The following PWWP3A variants were observed in gnomAD, a reference collection of about 807,000 sequenced individuals.
PWWP3A encodes PWWP domain containing 3A, DNA repair factor, also known as PWWP domain-containing DNA repair factor 3A.
Under a neutral mutation model 79.0 loss-of-function variants are expected in PWWP3A, and 53 were observed. That is an observed-to-expected ratio of 0.67 (90% CI 0.54 to 0.84). The LOEUF (loss-of-function observed/expected upper bound fraction) is 0.84. PWWP3A is among the 40% of genes least tolerant of loss of function. The pLI is 0.00. For missense variants in PWWP3A, 973 were observed against 948.0 expected, an observed-to-expected ratio of 1.03 and a Z score of -0.35; for synonymous variants, 443 against 394.4, an observed-to-expected ratio of 1.12 and a Z score of -1.46.
At chr19:1,375,005 G>A (rs1365845029) in intron 13 of PWWP3A, among the ~76,000 whole-genome samples, 1 of 151,798 alleles carries the variant, frequency 6.6e-6, no homozygotes, top group Non-Finnish European at 1.5e-5. Flanking sequence ...TGGATCACGA[G>A]GTCAGGAGTT....
intron 12 of PWWP3A, chr19:1,371,563 C>G (rs954327361): frequency 1.6e-6 from 1 of 608,652 alleles, no homozygotes; most frequent in Non-Finnish European, 2.9e-6. Flanking sequence ...TTTCGAACTT[C>G]AGCTGCGGAT....
intron 11 of PWWP3A, 50 bp from the exon 12 acceptor site, chr19:1,370,592 C>A: frequency 7.0e-7 from 1 of 1,426,512 alleles, no homozygotes. Flanking sequence ...CACAGCCACC[C>A]GAGGAAGGCA....
chr19:1,357,298 G>A (rs559223373), intron 3 of PWWP3A: 5 of 515,590 alleles, frequency 9.7e-6, no homozygotes, highest in East Asian at 6.5e-5. Flanking sequence ...AGATCCAAAC[G>A]AGGCATTCTG....
chr19:1,361,347 C>T (rs941389298), intron 5 of PWWP3A, among the ~76,000 whole-genome samples: 4 of 152,182 alleles, frequency 2.6e-5, no homozygotes, highest in African/African-American at 7.2e-5. Context: ...GTGCTGAGGC[C>T]GCAGCTGCGG....
rs549505596 is a variant in PWWP3A, at chr19:1,376,848, CG to C, written c.*273del. ...GGAAAGGCTTTTGAAAGGACGGAAG[CG>C]TATTCACTGTGCGCCAGTACTCCTG... is the stretch of plus-strand genomic sequence containing the variant. On this transcript the variant is annotated 3_prime_UTR_variant, in exon 14 of 14. Coordinates refer to ENST00000591337, the MANE Select transcript of PWWP3A (RefSeq NM_001369789.1). 61 of 369,036 alleles carry C rather than the reference CG, an allele frequency of 1.7e-4. No individual in the cohort carries two copies. In the East Asian group the frequency reaches 2.7e-3, roughly 17 times the overall value. 22.9% of individuals were successfully genotyped at this position (369,036 alleles called of 1,614,324 possible).
At chr19:1,362,436 T>C (rs2082038926) in intron 6 of PWWP3A, 85 bp downstream of exon 6, 11 of 1,042,482 alleles carry the variant, frequency 1.1e-5, no homozygotes, top group Non-Finnish European at 1.4e-5. Context: ...GGCCCCACAT[T>C]CTCCATGAAA....
At position 1,366,572 on chromosome 19, in the gene PWWP3A, TCAGA is replaced by T. The variant is rs530764977; in HGVS notation, c.1361+196_1361+199del. ...CCTCTCACTCCCTGGGATGGGTGAG[TCAGA>T]CAGAGGCTGGGTGTGAAGGGTCTGG... On this transcript the variant is annotated intron_variant, in intron 8 of 13. Coordinates refer to ENST00000591337, the MANE Select transcript of PWWP3A (RefSeq NM_001369789.1). 7.2e-3 allele frequency among the ~76,000 whole-genome samples: 1,095 copies of T among 152,082 alleles called. 5 individuals carry two copies. Among genetic ancestry groups the T allele is most frequent in the Non-Finnish European group, 0.012 (783 of 67,970 alleles).
At chr19:1,375,116 AGCAGGCT>A (rs967805367) in intron 13 of PWWP3A, among the ~76,000 whole-genome samples, 6 of 151,010 alleles carry the variant, frequency 4.0e-5, no homozygotes, top group Non-Finnish European at 8.8e-5. Flanking sequence ...CCAGCTACTC[AGCAGGCT>A]GAGGCAGGGG....
At chr19:1,361,320 C>CT (rs1242221212) in intron 5 of PWWP3A, among the ~76,000 whole-genome samples, 1 of 152,240 alleles carries the variant, frequency 6.6e-6, no homozygotes, top group Non-Finnish European at 1.5e-5. Context: ...TGCGGCGCGG[C>CT]TGGGAGCATT....
At chr19:1,371,137 A>C (rs752944204) in intron 12 of PWWP3A, 59 bp downstream of exon 12, 1 of 1,534,762 alleles carries the variant, frequency 6.5e-7, no homozygotes, top group Admixed American at 2.0e-5. Flanking sequence ...GGATTTTGCA[A>C]CTCCGCACGA....
chr19:1,366,487 C>T, intron 8 of PWWP3A, 106 bp downstream of exon 8: 1 of 1,007,118 alleles, frequency 9.9e-7, no homozygotes, highest in Non-Finnish European at 1.6e-6. Context: ...GAGGCCCCGG[C>T]AGGAGTCCAG....
intron 7 of PWWP3A, 28 bp from the exon 8 acceptor site, chr19:1,366,277 C>G: frequency 6.2e-7 from 1 of 1,605,224 alleles, no homozygotes; most frequent in Non-Finnish European, 8.5e-7. Context: ...TTTGTTTTGA[C>G]GTTTTATTTT....
At chr19:1,356,595 T>C (rs1458721171) in intron 2 of PWWP3A, 146 bp downstream of exon 2, 3 of 719,744 alleles carry the variant, frequency 4.2e-6, no homozygotes, top group Admixed American at 5.3e-5. Context: ...CCCCATTTAA[T>C]GGGGTTTTGG....
At chr19:1,364,362 C>T in intron 6 of PWWP3A, 147 bp from the exon 7 acceptor site, 1 of 679,688 alleles carries the variant, frequency 1.5e-6, no homozygotes, top group South Asian at 1.7e-5. Flanking sequence ...CTTTCAGATT[C>T]TCCTGATCTT....
chr19:1,375,466 T>C (rs1050658535), intron 13 of PWWP3A, among the ~76,000 whole-genome samples: 4 of 132,668 alleles, frequency 3.0e-5, no homozygotes, highest in Non-Finnish European at 4.7e-5. Context: ...ATGTATATTA[T>C]ATAAAATTTA....
chr19:1,356,322 A>G lies in PWWP3A; in HGVS notation c.-69-2A>G. ...TAAACCACCGTGCAAATTTCGTTCC[A>G]GGACACATTGGCGTGAGACCTGGGA... On this transcript the variant is annotated splice_acceptor_variant, in intron 1 of 13. Coordinates refer to ENST00000591337, the MANE Select transcript of PWWP3A (RefSeq NM_001369789.1). LOFTEE classifies it low-confidence loss of function (5UTR_SPLICE). The G allele has an allele frequency of 6.6e-7, 1 of 1,511,824 alleles. No individual in the cohort carries two copies. Among genetic ancestry groups the G allele is most frequent in the Non-Finnish European group, 9.2e-7 (1 of 1,087,392 alleles). 93.7% of individuals were successfully genotyped at this position (1,511,824 alleles called of 1,614,324 possible). A position where few individuals can be genotyped will look rare whatever the true frequency, so the allele number is the denominator to read the frequency against.
At position 1,373,069 on chromosome 19, in the gene PWWP3A, C is replaced by A. The variant is rs2082295896; in HGVS notation, c.1987-3C>A. ...TGCTATTGAGCCCCGTGCCCTCTCA[C>A]AGGCCATCATCTGTGCGATCTCTGC... On this transcript the variant is annotated splice_polypyrimidine_tract_variant and splice_region_variant and intron_variant, in intron 12 of 13. Coordinates refer to ENST00000591337, the MANE Select transcript of PWWP3A (RefSeq NM_001369789.1). The A allele has an allele frequency of 1.9e-6, 3 of 1,613,960 alleles. No individual in the cohort carries two copies.
At position 1,360,690 on chromosome 19, in the gene PWWP3A, T is replaced by A. The variant is rs1259242099; in HGVS notation, c.769T>A (p.Ser257Thr). ...CAGCTGGGCAGCCCCGTCCTTGCCC[T>A]CCGGGGTCAGGGAGGACGATCCCTG... Reference protein sequence around the residue: ...GGSWAAPSLPSGVREDDPCAN... With the variant: ...GGSWAAPSLPTGVREDDPCAN... Residue 257 changes from serine (S) to threonine (T), a missense_variant, in exon 5 of 14, where the codon TCC (serine) becomes ACC (threonine). Physicochemically the swap from Ser to Thr is moderately conservative, Grantham distance 58. Transcript: ENST00000591337. The surrounding 1 kb of genome is among the most constrained non-coding windows in gnomAD (Gnocchi z 4.4). 3 of 1,613,212 alleles carry A rather than the reference T, an allele frequency of 1.9e-6. No individual in the cohort carries two copies. Among genetic ancestry groups the A allele is most frequent in the South Asian group, 1.1e-5 (1 of 91,036 alleles).
rs1286275060 is a variant in PWWP3A, at chr19:1,356,342, C to G, written c.-51C>G. The G allele has an allele frequency of 1.3e-6, 2 of 1,589,698 alleles. No homozygotes were observed. Among genetic ancestry groups the G allele is most frequent in the Non-Finnish European group, 1.7e-6 (2 of 1,157,822 alleles). Reference sequence around the variant, plus strand: ...GTTCCAGGACACATTGGCGTGAGACCTGGGAGTACGTTGTGCCAAATCATT... The same window carrying G: ...GTTCCAGGACACATTGGCGTGAGACGTGGGAGTACGTTGTGCCAAATCATT... On this transcript the variant is annotated 5_prime_UTR_variant, in exon 2 of 14. Transcript: ENST00000591337.
Sources: gnomAD v4.1 joint callset for allele counts (sites outside exome capture counted in the v4.1 genomes callset) on GRCh38, gnomAD v4.1.1 for gene constraint, Gnocchi (gnomAD v3.1) non-coding constraint, MANE v1.5 for transcripts, NCBI Gene and HGNC (gene_info 2026-07-23, HGNC 2026-07-21) for gene names.